The following SCML2 variants were observed in gnomAD, a reference collection of about 807,000 sequenced individuals.
SCML2 encodes the protein sex comb on midleg-like protein 2.
SCML2 carries 6 observed loss-of-function variants against 48.4 expected under a neutral mutation model. The observed-to-expected ratio is 0.12, with a 90% CI of 0.07 to 0.24. SCML2 has a LOEUF of 0.24. Ranked by LOEUF, SCML2 falls within the 10% of genes least tolerant of loss-of-function variation. The pLI, the probability that SCML2 is intolerant of heterozygous loss-of-function variation, is 1.00. For synonymous variants in SCML2, 181 were observed against 189.5 expected (o/e 0.95, Z 0.37); for missense variants, 377 against 528.2 (o/e 0.71, Z 2.81).
At position 18,247,692 on chromosome X, in the gene SCML2, T is replaced by C. The variant is rs1459228301; in HGVS notation, c.1570+77A>G. ...AAATTTACCTCCCTACCTCCAATAC[T>C]ACCACCCCAAGAGTATACATAAGTG... is the stretch of plus-strand genomic sequence containing the variant. On this transcript the variant is annotated intron_variant, in intron 12 of 14. Transcript: ENST00000251900. 10 of 766,333 alleles carry C rather than the reference T, an allele frequency of 1.3e-5. No homozygotes were observed. The Admixed American group carries it at 2.7e-4, about 21-fold the overall frequency. 63.2% of individuals were successfully genotyped at this position (766,333 alleles called of 1,213,427 possible). A position where few individuals can be genotyped will look rare whatever the true frequency, so the allele number is the denominator to read the frequency against.
At chrX:18,317,791 G>A (rs1205571042) in intron 6 of SCML2, among the ~76,000 whole-genome samples, 1 of 94,523 alleles carries the variant, frequency 1.1e-5, no homozygotes, top group Non-Finnish European at 2.0e-5. Flanking sequence ...CCGAGATCGC[G>A]CCACTGCACT....
At chrX:18,341,596 T>A (rs1443807028) in intron 1 of SCML2, among the ~76,000 whole-genome samples, 1 of 110,718 alleles carries the variant, frequency 9.0e-6, no homozygotes, top group Non-Finnish European at 1.9e-5. Flanking sequence ...TAAAATAAAA[T>A]AAAAATGTAC....
At chrX:18,352,076 A>T (rs1241911630) in intron 1 of SCML2, among the ~76,000 whole-genome samples, 1 of 111,926 alleles carries the variant, frequency 8.9e-6, no homozygotes, top group East Asian at 2.8e-4. Context: ...AGGAACAGGC[A>T]GGCAGCTAAA....
chrX:18,271,840 T>G (rs1017810653), intron 7 of SCML2, among the ~76,000 whole-genome samples: 1 of 111,116 alleles, frequency 9.0e-6, no homozygotes, highest in African/African-American at 3.3e-5. Flanking sequence ...ACTTTCACCT[T>G]TTCACTTAAA....
chrX:18,276,468 GTGTA>G (rs1240360678), intron 7 of SCML2, among the ~76,000 whole-genome samples: 3 of 111,235 alleles, frequency 2.7e-5, no homozygotes, highest in Non-Finnish European at 3.8e-5. Flanking sequence ...GAACATGGGT[GTGTA>G]TGTATGTATT....
chrX:18,312,978 C>CGTGTGTGTGT (rs72406000), intron 6 of SCML2, among the ~76,000 whole-genome samples: 1 of 94,994 alleles, frequency 1.1e-5, no homozygotes, highest in African/African-American at 3.8e-5. Flanking sequence ...AATGGGTGTG[C>CGTGTGTGTGT]GTGTGTGTGT....
At chrX:18,352,262 T>C (rs1223368472) in intron 1 of SCML2, among the ~76,000 whole-genome samples, 1 of 112,461 alleles carries the variant, frequency 8.9e-6, no homozygotes, top group African/African-American at 3.2e-5. Context: ...AGAAATTGCT[T>C]AGTATTAAAA....
At chrX:18,278,640 A>T (rs1184948425) in intron 7 of SCML2, among the ~76,000 whole-genome samples, 1 of 112,367 alleles carries the variant, frequency 8.9e-6, no homozygotes, top group Non-Finnish European at 1.9e-5. Flanking sequence ...CCCTCCTGCC[A>T]CCAGCCCCTC....
intron 1 of SCML2, among the ~76,000 whole-genome samples, chrX:18,334,918 A>C (rs771873610): frequency 1.8e-4 from 20 of 112,108 alleles, no homozygotes; most frequent in African/African-American, 6.5e-4. Flanking sequence ...ACCTATGAAG[A>C]ATACATTCAT....
rs1193948248 is a variant in SCML2 at position 18,305,144 on chromosome X, C to T, written c.558G>A (p.Pro186=). ...MKLEAIDKKN[P]YLICPATIGD... is the part of the protein sequence containing the mutation. ...CAATGGTCGCAGGACAGATGAGATACGGGTTCTTTTTGTCAATAGCTTCCA... is the reference window on the plus strand; with the variant it reads ...CAATGGTCGCAGGACAGATGAGATATGGGTTCTTTTTGTCAATAGCTTCCA... Residue 186 remains proline (P), a synonymous_variant, in exon 7 of 15, where the codon CCG becomes CCA. Transcript: ENST00000251900. 8.3e-7 allele frequency: 1 copy of T among 1,209,088 alleles called. No homozygotes were observed. The highest frequency in any genetic ancestry group is 1.1e-6 in the Non-Finnish European group (1 of 894,181).
intron 6 of SCML2, among the ~76,000 whole-genome samples, chrX:18,315,700 C>T (rs1210238357): frequency 9.0e-6 from 1 of 111,662 alleles, no homozygotes; most frequent in Non-Finnish European, 1.9e-5. Context: ...ATCCAGTAAC[C>T]GTTCAACCCC....
At chrX:18,275,850 CAGAA>C (rs1276145790) in intron 7 of SCML2, among the ~76,000 whole-genome samples, 1 of 112,252 alleles carries the variant, frequency 8.9e-6, no homozygotes, top group Non-Finnish European at 1.9e-5. Context: ...ATATTCAAAA[CAGAA>C]GGAAGAACTG....
rs183735233 is a variant in SCML2, at chrX:18,273,478, C to A, written c.731-7676G>T. 4.5e-3 allele frequency among the ~76,000 whole-genome samples: 499 copies of A among 111,528 alleles called. 5 individuals carry two copies. Among genetic ancestry groups the A allele is most frequent in the African/African-American group, 0.015 (470 of 30,719 alleles). On this transcript the variant is annotated intron_variant, in intron 7 of 14. Transcript: ENST00000251900. ...ATCCTAAATTCTCTATCTTGATGAACGACATTACCTATCTGAAGTCAGAAA... is the reference window on the plus strand; with the variant it reads ...ATCCTAAATTCTCTATCTTGATGAAAGACATTACCTATCTGAAGTCAGAAA...
intron 6 of SCML2, among the ~76,000 whole-genome samples, chrX:18,310,485 C>T (rs1048224332): frequency 4.5e-5 from 5 of 110,201 alleles, no homozygotes; most frequent in East Asian, 2.8e-4. Context: ...AGGCCGGTCT[C>T]GAACTCCTGA....
chrX:18,331,062 C>A (rs1929639377), intron 2 of SCML2, among the ~76,000 whole-genome samples: 1 of 108,870 alleles, frequency 9.2e-6, no homozygotes, highest in Non-Finnish European at 1.9e-5. Context: ...GAGTTTGAGA[C>A]CAGCCAGGCC....
chrX:18,291,683 A>G (rs1602110297), intron 7 of SCML2, among the ~76,000 whole-genome samples: 1 of 111,621 alleles, frequency 9.0e-6, no homozygotes, highest in East Asian at 2.8e-4. Context: ...ATAAAAGTTG[A>G]GAGCAAACAT....
At chrX:18,355,093 C>T (rs1044853570), upstream of SCML2, among the ~76,000 whole-genome samples, 5 of 111,344 alleles carry the variant, frequency 4.5e-5, no homozygotes, top group Non-Finnish European at 5.6e-5. Context: ...GGAACTCAAG[C>T]AAGTTCGAGG....
At position 18,240,606 on chromosome X, in the gene SCML2, T is replaced by C. The variant is rs1265336590; in HGVS notation, c.*645A>G. 8.9e-6 allele frequency: 1 copy of C among 112,295 alleles called. No individual in the cohort carries two copies. The highest frequency in any genetic ancestry group is 3.2e-5 in the African/African-American group (1 of 30,956). 9.3% of individuals were successfully genotyped at this position (112,295 alleles called of 1,213,427 possible). The stretch of plus-strand genomic sequence containing the variant: ...ATTTATCAAAAACTGGTAAGAACAC[T>C]TCATGAAAGCTTATAAGCTTGCTTT... On this transcript the variant is annotated 3_prime_UTR_variant, in exon 15 of 15. Coordinates refer to ENST00000251900, the MANE Select transcript of SCML2 (RefSeq NM_006089.3).
In SCML2 at chrX:18,291,054, C is replaced by T. The variant is rs190399866; in HGVS notation, c.730+13918G>A. 4.4e-4 allele frequency among the ~76,000 whole-genome samples: 49 copies of T among 111,764 alleles called. 1 individual carries two copies. In the East Asian group the frequency reaches 9.3e-3, roughly 21 times the overall value. ...ATAAGATACAGAAGAGGGGGGAGCA[C>T]GTTGAAAACGGAAAACGGCAAGATC... is the stretch of plus-strand genomic sequence containing the variant. On this transcript the variant is annotated intron_variant, in intron 7 of 14. Transcript: ENST00000251900.
Sources: gnomAD v4.1 joint callset for allele counts (sites outside exome capture counted in the v4.1 genomes callset) on GRCh38, gnomAD v4.1.1 for gene constraint, MANE v1.5 for transcripts, NCBI Gene and HGNC (gene_info 2026-07-23, HGNC 2026-07-21) for gene names.